Variants in ZNF678 observed in about 807,000 individuals in gnomAD.
The protein encoded by ZNF678 is hypothetical protein MGC42493.
Under a neutral mutation model 3.0 loss-of-function variants are expected in ZNF678, and 5 were observed. The ratio of observed to expected loss-of-function variants is 1.69; its 90% confidence interval spans 0.88 to 3.56. The LOEUF (loss-of-function observed/expected upper bound fraction) is 3.56, where lower values mean the gene tolerates loss of function less well. ZNF678 is among the 30% of genes most tolerant of loss of function. The pLI is 0.00. For missense variants in ZNF678, 593 were observed against 605.0 expected, an observed-to-expected ratio of 0.98 and a Z score of 0.21; for synonymous variants, 218 against 199.6, an observed-to-expected ratio of 1.09 and a Z score of -0.78.
intron 5 of ZNF678, among the ~76,000 whole-genome samples, chr1:227,672,480 G>A (rs1238917484): frequency 6.6e-6 from 1 of 152,040 alleles, no homozygotes; most frequent in African/African-American, 2.4e-5. Context: ...ATAAATTTAG[G>A]GCATGTTGGA....
At chr1:227,592,889 A>G (rs924701055) in intron 1 of ZNF678, among the ~76,000 whole-genome samples, 2 of 152,258 alleles carry the variant, frequency 1.3e-5, no homozygotes, top group African/African-American at 4.8e-5. Flanking sequence ...GGTCCACCAC[A>G]GTACCACCAC....
At position 227,654,344 on chromosome 1, in the gene ZNF678, T is replaced by A. The variant is rs562121771; in HGVS notation, c.94T>A (p.Ser32Thr). The A allele has an allele frequency of 1.3e-6, 2 of 1,542,440 alleles. No homozygotes were observed. The change falls in exon 4 of 4, where the codon TCT becomes ACT. Residue 32 changes from serine (S) to threonine (T), a missense_variant. Ser to Thr is a moderately conservative substitution (Grantham distance 58). Transcript: ENST00000343776. ...ATTTTTATTTCTTTCAGCTATTTTA[T>A]CTTATTCCATTCAAGACCTTTTGCC... Reference protein sequence around the residue: ...FYKLVYTAILSYSIQDLLPEQ... With the variant: ...FYKLVYTAILTYSIQDLLPEQ...
chr1:227,616,099 C>T lies in ZNF678; in HGVS notation c.-163-30445C>T, dbSNP rs866119659. On this transcript the variant is annotated intron_variant, in intron 1 of 3. Coordinates refer to ENST00000343776, the MANE Select transcript of ZNF678 (RefSeq NM_001367909.1). ...AGGGCACCTGCACTGGCTGGTTGGG[C>T]ACCTCTCACCTGACCTCCCCCAAGA... 5.3e-5 allele frequency among the ~76,000 whole-genome samples: 8 copies of T among 152,288 alleles called. 1 individual carries two copies. Among genetic ancestry groups the T allele is most frequent in the Middle Eastern group, 3.4e-3 (1 of 294 alleles).
intron 1 of ZNF678, among the ~76,000 whole-genome samples, chr1:227,569,200 G>A (rs1277332605): frequency 6.6e-6 from 1 of 152,194 alleles, no homozygotes; most frequent in African/African-American, 2.4e-5. Context: ...ATGTTGTCCA[G>A]ACTGGTCTTG....
At chr1:227,605,736 A>C (rs1192531070) in intron 1 of ZNF678, among the ~76,000 whole-genome samples, 1 of 152,196 alleles carries the variant, frequency 6.6e-6, no homozygotes, top group Non-Finnish European at 1.5e-5. Flanking sequence ...TTATTAAAAT[A>C]TTTGATAAAC....
At chr1:227,564,690 A>G (rs941346017) in intron 1 of ZNF678, among the ~76,000 whole-genome samples, 2 of 152,168 alleles carry the variant, frequency 1.3e-5, no homozygotes, top group African/African-American at 2.4e-5. Flanking sequence ...TTTTCACAGA[A>G]CATTGGAGGG....
intron 1 of ZNF678, among the ~76,000 whole-genome samples, chr1:227,612,715 C>T (rs1658049841): frequency 6.6e-6 from 1 of 152,304 alleles, no homozygotes; most frequent in Non-Finnish European, 1.5e-5. Context: ...GAACTGGCTG[C>T]TCTGGTAAGA....
rs1659702776 is a variant in ZNF678, at chr1:227,677,387, G to A, written c.*204G>A. ...CTCACTACACTCAAGTCAAGGGACT[G>A]GTAAAAGGGACCCCAGAAGGCAAGG... On this transcript the variant is annotated 3_prime_UTR_variant, in exon 6 of 6. Transcript: ENST00000608949. 3 of 152,396 alleles carry A rather than the reference G, an allele frequency of 2.0e-5. No homozygotes were observed. The South Asian group carries it at 6.2e-4, about 32-fold the overall frequency. The allele number at this position is 152,396 out of a possible 1,614,324, so 9.4% of individuals were successfully genotyped here.
rs988829646 is a variant in ZNF678 at position 227,662,030 on chromosome 1, A to G, written c.*6202A>G. 1 of 152,220 alleles carries G rather than the reference A, an allele frequency of 6.6e-6. No homozygotes were observed. The highest frequency in any genetic ancestry group is 2.4e-5 in the African/African-American group (1 of 41,466). The allele number at this position is 152,220 out of a possible 1,614,324, so 9.4% of individuals were successfully genotyped here. On this transcript the variant is annotated 3_prime_UTR_variant, in exon 4 of 4. Transcript: ENST00000343776. ...AATTCAGACCAGGAAATTCCAATAC[A>G]TCAGTGCATGTGGAGGACATGAGTA... is the stretch of plus-strand genomic sequence containing the variant.
chr1:227,597,459 A>G (rs561452706), intron 1 of ZNF678, among the ~76,000 whole-genome samples: 14 of 152,400 alleles, frequency 9.2e-5, no homozygotes, highest in Admixed American at 5.9e-4. Context: ...CATAAAACTT[A>G]GTATAAAACA....
intron 1 of ZNF678, among the ~76,000 whole-genome samples, chr1:227,600,170 A>G (rs1053428999): frequency 3.9e-5 from 6 of 152,174 alleles, no homozygotes; most frequent in Admixed American, 3.9e-4. Context: ...ATAGTATTAC[A>G]TGGCATATAG....
Position 227,660,332 on chromosome 1 carries a change from T to C in ZNF678, c.*4504T>C, listed in dbSNP as rs1030658242. On this transcript the variant is annotated 3_prime_UTR_variant, in exon 4 of 4. Coordinates refer to ENST00000343776, the MANE Select transcript of ZNF678 (RefSeq NM_001367909.1). ...AATATATACATCATTTTGTGTAACATAGACTTTTTAGCAATATTAATTTGG... is the reference window on the plus strand; with the variant it reads ...AATATATACATCATTTTGTGTAACACAGACTTTTTAGCAATATTAATTTGG... The C allele has an allele frequency of 2.8e-4, 43 of 151,804 alleles. No individual in the cohort carries two copies. The highest frequency in any genetic ancestry group is 1.0e-3 in the African/African-American group (43 of 41,364). The allele number at this position is 151,804 out of a possible 1,614,324, so 9.4% of individuals were successfully genotyped here. A position where few individuals can be genotyped will look rare whatever the true frequency, so the allele number is the denominator to read the frequency against.
chr1:227,603,103 A>G (rs1657775873), intron 1 of ZNF678, among the ~76,000 whole-genome samples: 1 of 152,188 alleles, frequency 6.6e-6, no homozygotes, highest in Non-Finnish European at 1.5e-5. Flanking sequence ...TCTTGCAGGT[A>G]CTGCCTGGCT....
chr1:227,625,453 C>T (rs1279513948), intron 1 of ZNF678, among the ~76,000 whole-genome samples: 3 of 152,060 alleles, frequency 2.0e-5, no homozygotes, highest in Non-Finnish European at 4.4e-5. Context: ...TCCAGGGGTC[C>T]GTGGTAGATC....
At chr1:227,635,714 G>A (rs895197644) in intron 1 of ZNF678, among the ~76,000 whole-genome samples, 10 of 152,068 alleles carry the variant, frequency 6.6e-5, no homozygotes, top group Admixed American at 2.0e-4. Flanking sequence ...TGTTGTACCC[G>A]GATGGCCTCT....
chr1:227,678,581 G>A (rs1308395706), downstream of ZNF678, among the ~76,000 whole-genome samples: 1 of 152,178 alleles, frequency 6.6e-6, no homozygotes, highest in East Asian at 1.9e-4. Context: ...CCGGGCTGAT[G>A]TCTGGTGGTA....
chr1:227,567,582 C>T (rs930688552), intron 1 of ZNF678, among the ~76,000 whole-genome samples: 5 of 152,114 alleles, frequency 3.3e-5, no homozygotes, highest in Non-Finnish European at 7.4e-5. Context: ...GGTTGGAAGA[C>T]GGGTTCAGAA....
At chr1:227,605,216 G>T (rs1657834755) in intron 1 of ZNF678, among the ~76,000 whole-genome samples, 1 of 152,254 alleles carries the variant, frequency 6.6e-6, no homozygotes, top group South Asian at 2.1e-4. Context: ...TATTTTGAAT[G>T]ATATAGTTTT....
chr1:227,642,836 A>G (rs983244184), intron 1 of ZNF678, among the ~76,000 whole-genome samples: 2 of 152,138 alleles, frequency 1.3e-5, no homozygotes, highest in African/African-American at 4.8e-5. Flanking sequence ...GTTGGTACCT[A>G]GATGGGAGTT....
Sources: allele counts gnomAD v4.1 joint callset (sites outside exome capture counted in the v4.1 genomes callset), GRCh38; gene constraint gnomAD v4.1.1; transcripts MANE v1.5; gene names NCBI Gene and HGNC (gene_info 2026-07-23, HGNC 2026-07-21).